The following OR4M1 variants were observed in gnomAD, a reference collection of about 807,000 sequenced individuals.
OR4M1 encodes the protein olfactory receptor 4M1.
Under a neutral mutation model 9.8 loss-of-function variants are expected in OR4M1, and 7 were observed. The ratio of observed to expected loss-of-function variants is 0.71; its 90% CI spans 0.41 to 1.34. The LOEUF (loss-of-function observed/expected upper bound fraction) is 1.34. Among genes scored for constraint, OR4M1 ranks in the 40% most tolerant of loss-of-function variants. The pLI is 0.01. For synonymous variants in OR4M1, 121 were observed against 139.8 expected (o/e 0.87, Z 0.95); for missense variants, 331 against 380.4 (o/e 0.87, Z 1.08).
chr14:19,777,840 G>T (rs1878356733), intron 1 of OR4M1, among the ~76,000 whole-genome samples: 1 of 152,012 alleles, frequency 6.6e-6, no homozygotes, highest in Non-Finnish European at 1.5e-5. Context: ...AGGGAAACTA[G>T]GTGTTTGTTC....
intron 1 of OR4M1, among the ~76,000 whole-genome samples, chr14:19,775,937 C>CA (rs1878298165): frequency 6.6e-6 from 1 of 151,930 alleles, no homozygotes; most frequent in Non-Finnish European, 1.5e-5. Flanking sequence ...GGCAACGATG[C>CA]ACACAGAAAA....
intron 1 of OR4M1, among the ~76,000 whole-genome samples, chr14:19,774,276 C>T: frequency 6.6e-6 from 1 of 151,870 alleles, no homozygotes; most frequent in Middle Eastern, 3.5e-3. Flanking sequence ...TAGGGAAAGA[C>T]TAAATGAATT....
In OR4M1 at chr14:19,780,769, G is replaced by T. The variant is rs753083226; in HGVS notation, c.447G>T (p.Trp149Cys). 9 of 1,614,238 alleles carry T rather than the reference G, an allele frequency of 5.6e-6. No homozygotes were observed. Among genetic ancestry groups the T allele is most frequent in the Non-Finnish European group, 7.6e-6 (9 of 1,180,030 alleles). Residue 149 changes from tryptophan to cysteine, a missense_variant, in exon 2 of 2, where the codon TGG becomes TGT. This residue lies in a region of OR4M1 where 209 missense variants were observed against 200.0 expected (regional missense o/e 1.04). Coordinates refer to ENST00000641200, the MANE Select transcript of OR4M1 (RefSeq NM_001005500.2). ...RLCCILVALS[W>C]MGGFIHSIIQ... is the part of the protein sequence containing the mutation. ...GCTGTATCCTGGTGGCTCTCTCCTG[G>T]ATGGGGGGCTTCATTCATTCTATAA...
In OR4M1 at chr14:19,781,867, T is replaced by G. The variant is rs1878509981; in HGVS notation, c.*603T>G. ...TCCATTCAACAGTTGGAGACAGAAC[T>G]CAAAATTTTATCACATTATGAAAAC... is the stretch of plus-strand genomic sequence containing the variant. On this transcript the variant is annotated 3_prime_UTR_variant, in exon 2 of 2. Coordinates refer to ENST00000641200, the MANE Select transcript of OR4M1 (RefSeq NM_001005500.2). 1 of 152,740 alleles carries G rather than the reference T, an allele frequency of 6.5e-6. No homozygotes were observed. Among genetic ancestry groups the G allele is most frequent in the Non-Finnish European group, 1.5e-5 (1 of 68,428 alleles). The allele number at this position is 152,740 out of a possible 1,614,324, so 9.5% of individuals were successfully genotyped here.
Position 19,782,794 on chromosome 14 carries a change from A to G in OR4M1, c.*1530A>G, listed in dbSNP as rs1225564710. 2 of 152,246 alleles carry G rather than the reference A, an allele frequency of 1.3e-5. No homozygotes were observed. Among genetic ancestry groups the G allele is most frequent in the Non-Finnish European group, 2.9e-5 (2 of 68,046 alleles). 9.4% of individuals were successfully genotyped at this position (152,246 alleles called of 1,614,324 possible). A position where few individuals can be genotyped will look rare whatever the true frequency, so the allele number is the denominator to read the frequency against. On this transcript the variant is annotated 3_prime_UTR_variant, in exon 2 of 2. Transcript: ENST00000641200. ...GTTGACTTCTCATCACCTGGAAGTG[A>G]ATAAAGCAGTAGACTTCTCTAACAT...
chr14:19,776,045 C>T (rs577308449), intron 1 of OR4M1, among the ~76,000 whole-genome samples: 1 of 152,240 alleles, frequency 6.6e-6, no homozygotes, highest in South Asian at 2.1e-4. Context: ...GGTGAAGATG[C>T]TTCTGTATAC....
chr14:19,774,863 A>G (rs1319012299), intron 1 of OR4M1, among the ~76,000 whole-genome samples: 2 of 152,238 alleles, frequency 1.3e-5, no homozygotes, highest in Admixed American at 1.3e-4. Context: ...CATAGCTAGT[A>G]AGTGTTCAGC....
intron 1 of OR4M1, among the ~76,000 whole-genome samples, chr14:19,776,323 T>C (rs1350965193): frequency 2.0e-5 from 3 of 152,236 alleles, no homozygotes; most frequent in Non-Finnish European, 4.4e-5. Context: ...TTTCATGACC[T>C]CAACATCACG....
At chr14:19,777,112 A>T (rs2138428858) in intron 1 of OR4M1, among the ~76,000 whole-genome samples, 1 of 149,270 alleles carries the variant, frequency 6.7e-6, no homozygotes, top group Admixed American at 6.7e-5. Flanking sequence ...AGCCAGGGTG[A>T]TATTTCTAAA....
chr14:19,777,414 T>C (rs1270681288), intron 1 of OR4M1, among the ~76,000 whole-genome samples: 2 of 152,168 alleles, frequency 1.3e-5, no homozygotes, highest in Non-Finnish European at 2.9e-5. Context: ...ATCACACACA[T>C]ACCACACCCA....
chr14:19,776,875 A>G (rs1878325565), intron 1 of OR4M1, among the ~76,000 whole-genome samples: 1 of 151,830 alleles, frequency 6.6e-6, no homozygotes, highest in African/African-American at 2.4e-5. Context: ...TGGAGTTCAA[A>G]TTCCAGCTGC....
rs910659030 is a variant in OR4M1, at chr14:19,782,256, A to C, written c.*992A>C. ...TCCCATGATCCCTTAGAGAATTATT[A>C]GGGACTGATTTCCTATTTTCAAGCA... On this transcript the variant is annotated 3_prime_UTR_variant, in exon 2 of 2. Transcript: ENST00000641200. 6.6e-6 allele frequency: 1 copy of C among 152,282 alleles called. No individual in the cohort carries two copies. The highest frequency in any genetic ancestry group is 1.5e-5 in the Non-Finnish European group (1 of 68,064). The allele number at this position is 152,282 out of a possible 1,614,324, so 9.4% of individuals were successfully genotyped here.
rs1251436608 is a variant in OR4M1 at position 19,780,223 on chromosome 14, A to G, written c.-29-71A>G. On this transcript the variant is annotated intron_variant, in intron 1 of 1. Transcript: ENST00000641200. ...TGTTAGTGACAGAAAACGTATGACA[A>G]TTTTGAAAGCAGTGATATAACTCTA... 2.6e-5 allele frequency: 34 copies of G among 1,312,864 alleles called. No homozygotes were observed. In the Admixed American group the frequency reaches 5.1e-4, roughly 20 times the overall value. 81.3% of individuals were successfully genotyped at this position (1,312,864 alleles called of 1,614,324 possible). A position where few individuals can be genotyped will look rare whatever the true frequency, so the allele number is the denominator to read the frequency against.
At position 19,780,435 on chromosome 14, in the gene OR4M1, T is replaced by G; in HGVS notation, c.113T>G (p.Ile38Ser). 6.2e-7 allele frequency: 1 copy of G among 1,614,184 alleles called. No individual in the cohort carries two copies. The highest frequency in any genetic ancestry group is 8.5e-7 in the Non-Finnish European group (1 of 1,179,998). Reference sequence around the variant, plus strand: ...ATATTTCTATCCTTCTATTTGTTCATCCTACCAGGAAATATCCTTATCATT... The same window carrying G: ...ATATTTCTATCCTTCTATTTGTTCAGCCTACCAGGAAATATCCTTATCATT... Reference protein sequence around the residue: ...FVIFLSFYLFILPGNILIICT... With the variant: ...FVIFLSFYLFSLPGNILIICT... Residue 38 changes from isoleucine (I) to serine (S), a missense_variant, in exon 2 of 2, where the codon ATC becomes AGC. Ile to Ser is a moderately radical substitution (Grantham distance 142). Coordinates refer to ENST00000641200, the MANE Select transcript of OR4M1 (RefSeq NM_001005500.2).
chr14:19,775,552 ATATAT>A (rs1365375087), intron 1 of OR4M1, among the ~76,000 whole-genome samples: 46 of 147,418 alleles, frequency 3.1e-4, no homozygotes, highest in East Asian at 7.8e-4. Context: ...ATAATATAAT[ATATAT>A]TATAATATAT....
intron 1 of OR4M1, among the ~76,000 whole-genome samples, 168 bp downstream of exon 1, chr14:19,773,761 A>G (rs533611841): frequency 2.8e-4 from 43 of 151,888 alleles, no homozygotes; most frequent in African/African-American, 1.0e-3. Context: ...AGTGTAGAGC[A>G]GGTCATAGCT....
Position 19,780,647 on chromosome 14 carries a change from G to T in OR4M1, c.325G>T (p.Ala109Ser), listed in dbSNP as rs760922592. ...AQLFFLHFVG[A>S]SEMFLLTVMA... ...GCTCTTCTTCTTACACTTTGTTGGG[G>T]CTTCGGAGATGTTCTTGCTCACAGT... Residue 109 changes from alanine (A) to serine (S), a missense_variant, in exon 2 of 2, where the codon GCT becomes TCT. Coordinates refer to ENST00000641200, the MANE Select transcript of OR4M1 (RefSeq NM_001005500.2). The T allele has an allele frequency of 1.2e-6, 2 of 1,614,242 alleles. No individual in the cohort carries two copies. Among genetic ancestry groups the T allele is most frequent in the African/African-American group, 1.3e-5 (1 of 75,062 alleles).
chr14:19,781,463 G>A lies in OR4M1; in HGVS notation c.*199G>A, dbSNP rs1189498987. On this transcript the variant is annotated 3_prime_UTR_variant, in exon 2 of 2. Coordinates refer to ENST00000641200, the MANE Select transcript of OR4M1 (RefSeq NM_001005500.2). ...AAATAAATTTACTCACACCTACCCT[G>A]AAATTCCAGGCAGATCATTATTAGA... The A allele has an allele frequency of 5.4e-6, 3 of 560,274 alleles. No individual in the cohort carries two copies. In the African/African-American group the frequency reaches 5.7e-5, roughly 11 times the overall value. 34.7% of individuals were successfully genotyped at this position (560,274 alleles called of 1,614,324 possible). A position where few individuals can be genotyped will look rare whatever the true frequency, so the allele number is the denominator to read the frequency against.
Position 19,781,379 on chromosome 14 carries a change from A to G in OR4M1, c.*115A>G, listed in dbSNP as rs1878494468. 1 of 1,028,900 alleles carries G rather than the reference A, an allele frequency of 9.7e-7. No homozygotes were observed. Among genetic ancestry groups the G allele is most frequent in the African/African-American group, 1.6e-5 (1 of 61,020 alleles). 63.7% of individuals were successfully genotyped at this position (1,028,900 alleles called of 1,614,324 possible). Reference sequence around the variant, plus strand: ...CGTTCATTTGTGTTCTTAAAATTTTACTATAATTTTTCTCTATTAATTCCT... The same window carrying G: ...CGTTCATTTGTGTTCTTAAAATTTTGCTATAATTTTTCTCTATTAATTCCT... On this transcript the variant is annotated 3_prime_UTR_variant, in exon 2 of 2. Coordinates refer to ENST00000641200, the MANE Select transcript of OR4M1 (RefSeq NM_001005500.2).
Sources: gnomAD v4.1 joint callset for allele counts (sites outside exome capture counted in the v4.1 genomes callset) on GRCh38, gnomAD v4.1.1 for gene constraint, gnomAD v4.1.1 regional missense constraint, MANE v1.5 for transcripts, NCBI Gene and HGNC (gene_info 2026-07-23, HGNC 2026-07-21) for gene names.